Variants in LRRC2 observed in about 807,000 individuals in gnomAD.
The protein encoded by LRRC2 is leucine rich repeat containing 2.
A neutral mutation model predicts 40.2 loss-of-function variants in LRRC2; 27 were observed. That is an observed-to-expected ratio of 0.67 (90% CI 0.49 to 0.93). The LOEUF (loss-of-function observed/expected upper bound fraction) is 0.93. Ranked by LOEUF, LRRC2 falls within the 40% of genes least tolerant of loss-of-function variation. The pLI, the probability that LRRC2 is intolerant of heterozygous loss-of-function variation, is 0.00. For synonymous variants in LRRC2, 147 were observed against 158.9 expected, an observed-to-expected ratio of 0.92 and a Z score of 0.56; for missense variants, 402 against 439.6, an observed-to-expected ratio of 0.91 and a Z score of 0.76.
rs1325894651 is a variant in LRRC2, at chr3:46,527,447, C to A, written c.908G>T (p.Cys303Phe). The change falls in exon 7 of 9, where the codon TGT (cysteine) becomes TTT (phenylalanine). Residue 303 changes from cysteine to phenylalanine, a missense_variant. Cys to Phe is a radical substitution (Grantham distance 205). Transcript: ENST00000395905. ...DHLVELPTAL[C>F]DSSTPLKFVS... The stretch of plus-strand genomic sequence containing the variant: ...TCACTTTAAAGGTGTGGATGAGTCA[C>A]AAAGGGCAGTTGGGAGCTCCACCAA... The A allele has an allele frequency of 6.2e-7, 1 of 1,613,900 alleles. No homozygotes were observed. The highest frequency in any genetic ancestry group is 2.2e-5 in the East Asian group (1 of 44,878).
At chr3:46,543,618 T>TTAATAA (rs202012137) in intron 3 of LRRC2, among the ~76,000 whole-genome samples, 6,565 of 104,950 alleles carry the variant, frequency 0.063, 196 homozygotes, top group African/African-American at 0.097. Context: ...TCCATCTCAA[T>TTAATAA]TAATAATAAT....
At chr3:46,561,706 A>G (rs1704947138) in intron 1 of LRRC2, among the ~76,000 whole-genome samples, 1 of 152,176 alleles carries the variant, frequency 6.6e-6, no homozygotes, top group Non-Finnish European at 1.5e-5. Flanking sequence ...TGACCTACTC[A>G]GTCACCAGCT....
intron 2 of LRRC2, among the ~76,000 whole-genome samples, chr3:46,545,889 C>G (rs1304677360): frequency 6.6e-6 from 1 of 152,242 alleles, no homozygotes; most frequent in East Asian, 1.9e-4. Flanking sequence ...CAGAACAGGG[C>G]TCTGCACCTG....
At chr3:46,534,423 C>CTTTCTTTCTTTCTTTCTTTCTTT (rs1559412272) in intron 4 of LRRC2, among the ~76,000 whole-genome samples, 1 of 101,022 alleles carries the variant, frequency 9.9e-6, no homozygotes, top group Non-Finnish European at 2.0e-5. Flanking sequence ...TTCCTTCCTT[C>CTTTCTTTCTTTCTTTCTTTCTTT]CTTTCTTTCT....
chr3:46,552,759 C>T lies in LRRC2; in HGVS notation c.-19-1149G>A, dbSNP rs186655144. ...GCACTGAGCCCCACTGAGCACTCTG[C>T]CACTTAAGACTGACCACACAGCCTG... On this transcript the variant is annotated intron_variant, in intron 1 of 8. Coordinates refer to ENST00000395905, the MANE Select transcript of LRRC2 (RefSeq NM_024512.5). Among the ~76,000 whole-genome samples, 210 of 152,322 alleles carry T rather than the reference C, an allele frequency of 1.4e-3. 2 individuals are homozygous for T. Among genetic ancestry groups the T allele is most frequent in the Non-Finnish European group, 2.2e-3 (153 of 68,026 alleles).
In LRRC2 at chr3:46,551,555, T is replaced by A; in HGVS notation, c.37A>T (p.Ile13Phe). Residue 13 changes from isoleucine (I) to phenylalanine (F), a missense_variant, in exon 2 of 9, where the codon ATC becomes TTC. Transcript: ENST00000395905. ...ACACGAGTTTCCCACAAGGCTCTGA[T>A]GACAGAAATGTCGAAGACAACCACT... Reference protein sequence around the residue: ...HKVVVFDISVIRALWETRVKK... With the variant: ...HKVVVFDISVFRALWETRVKK... 2 of 1,613,970 alleles carry A rather than the reference T, an allele frequency of 1.2e-6. No homozygotes were observed. Among genetic ancestry groups the A allele is most frequent in the South Asian group, 1.1e-5 (1 of 90,972 alleles).
chr3:46,552,791 T>C (rs73069989), intron 1 of LRRC2, among the ~76,000 whole-genome samples: 7,389 of 152,290 alleles, frequency 0.049, 271 homozygotes, highest in South Asian at 0.15. Flanking sequence ...CCTGGAGACA[T>C]GTCCTCTGAG....
intron 2 of LRRC2, 97 bp from the exon 3 acceptor site, chr3:46,545,350 T>A: frequency 9.7e-7 from 1 of 1,033,096 alleles, no homozygotes; most frequent in Non-Finnish European, 1.5e-6. Flanking sequence ...GTGCTCTCCT[T>A]GTCATTCCCA....
intron 2 of LRRC2, among the ~76,000 whole-genome samples, chr3:46,545,752 C>T (rs146731485): frequency 2.4e-3 from 360 of 152,310 alleles, no homozygotes; most frequent in African/African-American, 8.4e-3. Context: ...CACCACCCCA[C>T]GTGTCGCTAA....
intron 2 of LRRC2, 152 bp from the exon 3 acceptor site, chr3:46,545,405 G>A: frequency 1.5e-6 from 1 of 658,344 alleles, no homozygotes; most frequent in East Asian, 2.7e-5. Flanking sequence ...TGCTGTGGGG[G>A]TGCAGGGGAA....
chr3:46,541,258 G>A (rs566505250), intron 3 of LRRC2, among the ~76,000 whole-genome samples: 12 of 151,684 alleles, frequency 7.9e-5, no homozygotes, highest in South Asian at 6.3e-4. Flanking sequence ...GTGTGAACCC[G>A]GGAAGCGGAC....
At position 46,520,161 on chromosome 3, in the gene LRRC2, A is replaced by G. The variant is rs187003994; in HGVS notation, c.1067-1098T>C. On this transcript the variant is annotated intron_variant, in intron 8 of 8. Coordinates refer to ENST00000395905, the MANE Select transcript of LRRC2 (RefSeq NM_024512.5). ...ATATTATCGATAAAATTAATATTAA[A>G]TAATATATTTATTAAATGATATTTT... 9.6e-4 allele frequency among the ~76,000 whole-genome samples: 143 copies of G among 148,560 alleles called. 1 individual carries two copies. In the Middle Eastern group the frequency reaches 0.011, roughly 11 times the overall value.
chr3:46,521,605 T>C lies in LRRC2; in HGVS notation c.983A>G (p.Asn328Ser). The C allele has an allele frequency of 6.2e-7, 1 of 1,613,056 alleles. No homozygotes were observed. The highest frequency in any genetic ancestry group is 8.5e-7 in the Non-Finnish European group (1 of 1,179,556). The change falls in exon 8 of 9, where the codon AAT becomes AGT. Residue 328 changes from asparagine (N) to serine (S), a missense_variant. Asn to Ser is a conservative substitution (Grantham distance 46, BLOSUM62 1). Coordinates refer to ENST00000395905, the MANE Select transcript of LRRC2 (RefSeq NM_024512.5). ...ATCCCGTTCACTTTCCATTATTTCA[T>C]TGCCATCTTCACATTGGGCATTATC... ...PIDNAQCEDG[N>S]EIMESERDRQ...
Position 46,552,959 on chromosome 3 carries a change from T to A in LRRC2, c.-19-1349A>T, listed in dbSNP as rs1212834270. 5.9e-5 allele frequency among the ~76,000 whole-genome samples: 9 copies of A among 152,310 alleles called. No homozygotes were observed. In the East Asian group the frequency reaches 1.5e-3, roughly 26 times the overall value. On this transcript the variant is annotated intron_variant, in intron 1 of 8. Coordinates refer to ENST00000395905, the MANE Select transcript of LRRC2 (RefSeq NM_024512.5). ...ATTTTCAGTGTCACCAAATGAAACA[T>A]GAGAGGCCCACCAAAACTTTATGTC...
intron 1 of LRRC2, among the ~76,000 whole-genome samples, chr3:46,557,163 C>T (rs537441145): frequency 3.7e-4 from 57 of 152,286 alleles, no homozygotes; most frequent in African/African-American, 1.3e-3. Flanking sequence ...TGCCCTGCCC[C>T]GCCTTAACTG....
intron 3 of LRRC2, 117 bp from the exon 4 acceptor site, chr3:46,539,318 C>G (rs1335264710): frequency 4.6e-5 from 44 of 959,040 alleles, no homozygotes; most frequent in Non-Finnish European, 6.7e-5. Flanking sequence ...GAGCATAAAA[C>G]TTAACCACCA....
chr3:46,519,235 G>C lies in LRRC2; in HGVS notation c.1067-172C>G, dbSNP rs200555903. ...TAAATAATGCATTTGTCACCATTAA[G>C]TAAGTCATCACAAATGTGCAGTCAA... On this transcript the variant is annotated intron_variant, in intron 8 of 8. Coordinates refer to ENST00000395905, the MANE Select transcript of LRRC2 (RefSeq NM_024512.5). Among the ~76,000 whole-genome samples, 3 of 61,694 alleles carry C rather than the reference G, an allele frequency of 4.9e-5. No homozygotes were observed. The Admixed American group carries it at 5.9e-4, about 12-fold the overall frequency. The allele number at this position is 61,694 out of a possible 152,430, so 40.5% of individuals were successfully genotyped here.
chr3:46,553,676 C>T (rs568331227), intron 1 of LRRC2, among the ~76,000 whole-genome samples: 6 of 152,130 alleles, frequency 3.9e-5, no homozygotes, highest in African/African-American at 1.2e-4. Context: ...TTTGTGGAAG[C>T]GGGGCCTCGC....
At chr3:46,543,968 G>T (rs1253477800) in intron 3 of LRRC2, among the ~76,000 whole-genome samples, 1 of 110,452 alleles carries the variant, frequency 9.1e-6, no homozygotes, top group East Asian at 2.6e-4. Context: ...CCTCTCAATA[G>T]CACTCAGATA....
Sources: allele counts gnomAD v4.1 joint callset (sites outside exome capture counted in the v4.1 genomes callset), GRCh38; gene constraint gnomAD v4.1.1; transcripts MANE v1.5; gene names NCBI Gene and HGNC (gene_info 2026-07-23, HGNC 2026-07-21).